DDX19B: variants seen among roughly 807,000 people sequenced by gnomAD.
DDX19B encodes ATP-dependent RNA helicase DDX19B.
DDX19B carries 27 observed loss-of-function variants against 58.1 expected under a neutral mutation model. That is an observed-to-expected ratio of 0.46 (90% CI 0.34 to 0.64). DDX19B has a LOEUF of 0.64. Ranked by LOEUF, DDX19B falls within the 30% of genes least tolerant of loss-of-function variation. The pLI, the probability that DDX19B is intolerant of heterozygous loss-of-function variation, is 0.01. For missense variants in DDX19B, 399 were observed against 596.5 expected (o/e 0.67, Z 3.45); for synonymous variants, 187 against 214.4 (o/e 0.87, Z 1.12).
intron 2 of DDX19B, 43 bp from the exon 3 acceptor site, chr16:70,314,859 A>G: frequency 2.5e-6 from 4 of 1,597,228 alleles, no homozygotes; most frequent in Non-Finnish European, 3.4e-6. Flanking sequence ...ACTGTTGGGT[A>G]TGGGATGCGA....
intron 1 of DDX19B, among the ~76,000 whole-genome samples, chr16:70,304,347 C>T (rs1050412347): frequency 1.4e-5 from 2 of 147,178 alleles, no homozygotes; most frequent in Non-Finnish European, 3.0e-5. Flanking sequence ...CGAGGTTCAT[C>T]TGTTCATCTT....
Position 70,324,037 on chromosome 16 carries a change from C to A in DDX19B, c.390-548C>A, listed in dbSNP as rs181339345. 5.9e-5 allele frequency among the ~76,000 whole-genome samples: 9 copies of A among 151,738 alleles called. No homozygotes were observed. In the East Asian group the frequency reaches 1.5e-3, roughly 26 times the overall value. On this transcript the variant is annotated intron_variant, in intron 5 of 11. Transcript: ENST00000288071. ...GCAGTACTAGGGCCCTGTGGTGGAACGAAGTAAGGGAGAGAGAGTAGTAGG... is the reference window on the plus strand; with the variant it reads ...GCAGTACTAGGGCCCTGTGGTGGAAAGAAGTAAGGGAGAGAGAGTAGTAGG...
rs77214263 is a variant in DDX19B, at chr16:70,300,614, C to A, written c.57+1260C>A. 5.1e-3 allele frequency among the ~76,000 whole-genome samples: 776 copies of A among 152,218 alleles called. 10 individuals are homozygous for A. Among genetic ancestry groups the A allele is most frequent in the African/African-American group, 0.018 (731 of 41,536 alleles). On this transcript the variant is annotated intron_variant, in intron 1 of 11. Transcript: ENST00000288071. ...CACCATCTCTTGCCAACTACAACCT[C>A]CCCTTCCCAGGCTCAAGTGATCCTC... is the stretch of plus-strand genomic sequence containing the variant.
At chr16:70,298,770 A>G (rs1961326356), upstream of DDX19B, among the ~76,000 whole-genome samples, 2 of 152,186 alleles carry the variant, frequency 1.3e-5, no homozygotes, top group South Asian at 2.1e-4. Flanking sequence ...ATGCCTAACA[A>G]GATTGCATAG....
intron 9 of DDX19B, 142 bp from the exon 10 acceptor site, chr16:70,331,580 A>G: frequency 8.7e-7 from 1 of 1,146,768 alleles, no homozygotes; most frequent in Non-Finnish European, 1.2e-6. Context: ...ACCATGCTTC[A>G]TTGAGAAATT....
upstream of DDX19B, chr16:70,298,998 G>C (rs1205251822): frequency 4.0e-6 from 2 of 494,462 alleles, no homozygotes; most frequent in Admixed American, 4.3e-5. Flanking sequence ...TTGTTCTTTG[G>C]TTGGAGATCC....
upstream of DDX19B, among the ~76,000 whole-genome samples, chr16:70,293,888 G>A (rs1354118586): frequency 6.6e-6 from 1 of 151,304 alleles, no homozygotes; most frequent in Non-Finnish European, 1.5e-5. Context: ...TGGGATTACA[G>A]GCGTGAGCCA....
At chr16:70,319,588 T>TTTG (rs58116349) in intron 5 of DDX19B, 6 of 151,974 alleles carry the variant, frequency 3.9e-5, no homozygotes, top group East Asian at 1.9e-4. Context: ...TTTTTTTTTT[T>TTTG]GTCTAAAAAT....
In DDX19B at chr16:70,335,187, C is replaced by T. The variant is rs1245240797; in HGVS notation, c.*1605C>T. 6.6e-6 allele frequency: 1 copy of T among 152,208 alleles called. No individual in the cohort carries two copies. Among genetic ancestry groups the T allele is most frequent in the African/African-American group, 2.4e-5 (1 of 41,462 alleles). The allele number at this position is 152,208 out of a possible 1,614,324, so 9.4% of individuals were successfully genotyped here. ...GTCAACTCTGACACATCTTGGAATT[C>T]TTGTAATAAGAAAAGAAATTTTTAT... On this transcript the variant is annotated 3_prime_UTR_variant, in exon 12 of 12. Coordinates refer to ENST00000288071, the MANE Select transcript of DDX19B (RefSeq NM_007242.7).
chr16:70,314,719 A>C (rs1962279284), intron 2 of DDX19B, 183 bp from the exon 3 acceptor site: 1 of 544,700 alleles, frequency 1.8e-6, no homozygotes, highest in Admixed American at 2.3e-5. Context: ...TATGTGAGCA[A>C]CAGTGTTTTA....
At chr16:70,315,827 T>G in intron 3 of DDX19B, 142 bp from the exon 4 acceptor site, 1 of 1,171,614 alleles carries the variant, frequency 8.5e-7, no homozygotes, top group Non-Finnish European at 1.2e-6. Flanking sequence ...CTATTTTAAT[T>G]TATAAGTCAA....
chr16:70,294,957 C>A, upstream of DDX19B: 1 of 1,464,974 alleles, frequency 6.8e-7, no homozygotes, highest in South Asian at 1.3e-5. Context: ...CCTTTCCTCC[C>A]ACGTTTAGGT....
intron 1 of DDX19B, among the ~76,000 whole-genome samples, chr16:70,302,649 ACACTT>A (rs1296621558): frequency 1.3e-5 from 2 of 152,172 alleles, no homozygotes; most frequent in Admixed American, 6.6e-5. Flanking sequence ...CTATTGATGG[ACACTT>A]GAGTAATTTT....
At chr16:70,306,506 T>C (rs1388760636) in intron 1 of DDX19B, among the ~76,000 whole-genome samples, 1 of 152,160 alleles carries the variant, frequency 6.6e-6, no homozygotes, top group Non-Finnish European at 1.5e-5. Flanking sequence ...CTAAGAGGGT[T>C]TGTTAGGAGT....
chr16:70,311,020 G>T (rs909936913), intron 1 of DDX19B, among the ~76,000 whole-genome samples: 6 of 147,622 alleles, frequency 4.1e-5, no homozygotes, highest in African/African-American at 1.5e-4. Flanking sequence ...AACAGAGCGA[G>T]ACTCTGTCTC....
At chr16:70,297,894 A>G (rs1329142949), upstream of DDX19B, among the ~76,000 whole-genome samples, 2 of 151,982 alleles carry the variant, frequency 1.3e-5, no homozygotes, top group Non-Finnish European at 2.9e-5. Flanking sequence ...CTAATTTTTA[A>G]ATTTTTCTTG....
At chr16:70,314,235 T>C (rs1391777759) in intron 2 of DDX19B, among the ~76,000 whole-genome samples, 1 of 152,218 alleles carries the variant, frequency 6.6e-6, no homozygotes, top group East Asian at 1.9e-4. Context: ...GCATAGATAT[T>C]CCTCTGTTGA....
chr16:70,333,667 C>A lies in DDX19B; in HGVS notation c.*85C>A, dbSNP rs1963601252. The stretch of plus-strand genomic sequence containing the variant: ...GTTCAGGGCACAGGCCCCGACATCA[C>A]CCCAAGGACAACGGCACAAGTAGAG... On this transcript the variant is annotated 3_prime_UTR_variant, in exon 12 of 12. Transcript: ENST00000288071. 3.8e-6 allele frequency: 6 copies of A among 1,598,296 alleles called. No homozygotes were observed. The highest frequency in any genetic ancestry group is 1.1e-5 in the South Asian group (1 of 90,608).
intron 11 of DDX19B, 36 bp downstream of exon 11, chr16:70,333,195 T>G (rs1963570973): frequency 9.2e-7 from 1 of 1,082,366 alleles, no homozygotes; most frequent in Non-Finnish European, 1.3e-6. Flanking sequence ...CTGGCGCCCT[T>G]TGCTAAGTAG....
Sources: allele counts gnomAD v4.1 joint callset (sites outside exome capture counted in the v4.1 genomes callset), GRCh38; gene constraint gnomAD v4.1.1; transcripts MANE v1.5; gene names NCBI Gene and HGNC (gene_info 2026-07-23, HGNC 2026-07-21).